The following KALRN variants were observed in gnomAD, a reference collection of about 807,000 sequenced individuals.
KALRN encodes the protein kalirin.
KALRN carries 70 observed loss-of-function variants against 353.7 expected under a neutral mutation model. The ratio of observed to expected loss-of-function variants is 0.20; its 90% CI spans 0.16 to 0.24. The LOEUF is 0.24. Ranked by LOEUF, KALRN falls within the 10% of genes least tolerant of loss-of-function variation. The pLI, the probability that KALRN is intolerant of heterozygous loss-of-function variation, is 1.00. For synonymous variants in KALRN, 1,391 were observed against 1,434.8 expected (o/e 0.97, Z 0.69); for missense variants, 2,791 against 3,756.7 (o/e 0.74, Z 6.72).
At chr3:124,145,205 C>T (rs938755380) in intron 1 of KALRN, among the ~76,000 whole-genome samples, 15 of 152,172 alleles carry the variant, frequency 9.9e-5, no homozygotes, top group African/African-American at 3.1e-4. Context: ...TATCCTCCTC[C>T]CTTTATCGAT....
chr3:124,672,456 T>C (rs1317832473), intron 48 of KALRN, among the ~76,000 whole-genome samples: 1 of 152,226 alleles, frequency 6.6e-6, no homozygotes, highest in Non-Finnish European at 1.5e-5. Context: ...ACAGCTGTAG[T>C]GTTTGACACC....
chr3:124,154,667 G>A (rs1338828499), intron 1 of KALRN, among the ~76,000 whole-genome samples: 15 of 152,282 alleles, frequency 9.9e-5, no homozygotes, highest in East Asian at 1.9e-4. Flanking sequence ...AATCAATATC[G>A]TGAAAATGGC....
chr3:124,076,974 G>A (rs1166539807), intron 1 of KALRN, among the ~76,000 whole-genome samples: 1 of 152,216 alleles, frequency 6.6e-6, no homozygotes, highest in Non-Finnish European at 1.5e-5. Context: ...TTTGTCCTGT[G>A]TGCCCCTAGT....
intron 28 of KALRN, among the ~76,000 whole-genome samples, chr3:124,484,048 C>T (rs2062276698): frequency 6.6e-6 from 1 of 152,178 alleles, no homozygotes; most frequent in African/African-American, 2.4e-5. Context: ...TAGTAGGGGA[C>T]ATGTTATAAG....
Position 124,658,361 on chromosome 3 carries a change from A to G in KALRN, c.6037-70A>G, listed in dbSNP as rs1463039415. 25 of 1,179,028 alleles carry G rather than the reference A, an allele frequency of 2.1e-5. No individual in the cohort carries two copies. In the East Asian group the frequency reaches 5.4e-4, roughly 25 times the overall value. 73.0% of individuals were successfully genotyped at this position (1,179,028 alleles called of 1,614,324 possible). On this transcript the variant is annotated intron_variant, in intron 41 of 59. Coordinates refer to ENST00000682506, the MANE Select transcript of KALRN (RefSeq NM_001388419.1). ...GTCCTTTGTCCACGTGGAGGCCAGC[A>G]CGGCACTCTGAGATTGAACAAAAGA...
At chr3:124,352,484 A>T (rs891823899) in intron 10 of KALRN, among the ~76,000 whole-genome samples, 1 of 152,240 alleles carries the variant, frequency 6.6e-6, no homozygotes, top group Non-Finnish European at 1.5e-5. Flanking sequence ...AATATATATT[A>T]TCTAAAGCCT....
chr3:124,291,265 A>G (rs1042203461), intron 5 of KALRN, among the ~76,000 whole-genome samples: 2 of 152,306 alleles, frequency 1.3e-5, no homozygotes. Flanking sequence ...TGCAATGAAC[A>G]TTGCAGTTAT....
chr3:124,145,806 CTG>C (rs2067254818), intron 1 of KALRN, among the ~76,000 whole-genome samples: 1 of 152,176 alleles, frequency 6.6e-6, no homozygotes, highest in African/African-American at 2.4e-5. Context: ...GTGGAAGAAA[CTG>C]TGACTATATC....
chr3:124,035,269 C>G (rs530233641), intron 1 of KALRN, among the ~76,000 whole-genome samples: 13 of 152,116 alleles, frequency 8.5e-5, no homozygotes, highest in Admixed American at 7.9e-4. Flanking sequence ...CACCCAAAAG[C>G]ATGGATTCTA....
At chr3:124,668,196 A>C (rs1437761460) in intron 47 of KALRN, among the ~76,000 whole-genome samples, 1 of 152,132 alleles carries the variant, frequency 6.6e-6, no homozygotes, top group Admixed American at 6.5e-5. Flanking sequence ...GCATGTACAC[A>C]CGTACAGGCC....
intron 4 of KALRN, among the ~76,000 whole-genome samples, chr3:124,268,145 C>T (rs2148916658): frequency 6.6e-6 from 1 of 152,314 alleles, no homozygotes; most frequent in Non-Finnish European, 1.5e-5. Context: ...AAACATTCTC[C>T]AGTCCGCTCT....
chr3:124,419,486 T>C (rs2092680327), intron 14 of KALRN, among the ~76,000 whole-genome samples: 1 of 151,930 alleles, frequency 6.6e-6, no homozygotes, highest in Non-Finnish European at 1.5e-5. Context: ...AGCCTGTTCT[T>C]CCCCCAAGCT....
intron 27 of KALRN, among the ~76,000 whole-genome samples, chr3:124,480,883 C>G (rs2061918265): frequency 6.6e-6 from 1 of 152,144 alleles, no homozygotes; most frequent in South Asian, 2.1e-4. Flanking sequence ...TGCATCAGAA[C>G]TTCATTTCTT....
intron 33 of KALRN, among the ~76,000 whole-genome samples, chr3:124,550,637 T>G (rs2070370182): frequency 6.6e-6 from 1 of 152,154 alleles, no homozygotes; most frequent in Admixed American, 6.6e-5. Context: ...GGCTACTTAG[T>G]GCCACTAGAC....
At chr3:124,580,416 C>G (rs748646914) in intron 34 of KALRN, among the ~76,000 whole-genome samples, 10 of 152,134 alleles carry the variant, frequency 6.6e-5, no homozygotes, top group Non-Finnish European at 1.3e-4. Context: ...GACTTGGTTC[C>G]ACCTCAGAGC....
At chr3:124,308,716 A>G (rs1326400971) in intron 6 of KALRN, among the ~76,000 whole-genome samples, 1 of 151,568 alleles carries the variant, frequency 6.6e-6, no homozygotes, top group Non-Finnish European at 1.5e-5. Context: ...TAAAAAAGCT[A>G]AAAAAAAGTT....
intron 34 of KALRN, among the ~76,000 whole-genome samples, chr3:124,585,462 G>A (rs883497): frequency 0.24 from 36,469 of 152,064 alleles, 4,642 homozygotes; most frequent in East Asian, 0.33. Flanking sequence ...GCTCCGGGCC[G>A]GAGCTTGGCT....
intron 1 of KALRN, among the ~76,000 whole-genome samples, chr3:124,185,102 A>G (rs1011490932): frequency 4.6e-5 from 7 of 152,100 alleles, no homozygotes; most frequent in Admixed American, 1.3e-4. Flanking sequence ...TGCAACCTCC[A>G]CTTCCTGGGC....
At chr3:124,241,102 C>T (rs2080383974) in intron 3 of KALRN, among the ~76,000 whole-genome samples, 1 of 152,174 alleles carries the variant, frequency 6.6e-6, no homozygotes, top group African/African-American at 2.4e-5. Flanking sequence ...AGCAGAACAT[C>T]ACCTCTATCC....
Sources: gnomAD v4.1 joint callset for allele counts (sites outside exome capture counted in the v4.1 genomes callset) on GRCh38, gnomAD v4.1.1 for gene constraint, MANE v1.5 for transcripts, NCBI Gene and HGNC (gene_info 2026-07-23, HGNC 2026-07-21) for gene names.